CADPS: variants seen among roughly 807,000 people sequenced by gnomAD.
CADPS encodes the protein calcium dependent secretion activator, also known as calcium-dependent secretion activator 1.
In CADPS, 57 loss-of-function variants were observed where a neutral mutation model predicts 167.3. The ratio of observed to expected loss-of-function variants is 0.34; its 90% confidence interval spans 0.28 to 0.42. The LOEUF is 0.42. CADPS is among the 20% of genes least tolerant of loss of function. The pLI, the probability that CADPS is intolerant of heterozygous loss-of-function variation, is 1.00. For missense variants in CADPS, 1,414 were observed against 1,738.1 expected (o/e 0.81, Z 3.32); for synonymous variants, 676 against 635.3 (o/e 1.06, Z -0.96).
chr3:62,664,642 T>C (rs949424721), intron 3 of CADPS, among the ~76,000 whole-genome samples: 3 of 152,244 alleles, frequency 2.0e-5, no homozygotes, highest in African/African-American at 7.2e-5. Flanking sequence ...ATTCAACTAC[T>C]TCACTGGGAA....
intron 21 of CADPS, among the ~76,000 whole-genome samples, chr3:62,483,206 G>A (rs377066431): frequency 2.0e-5 from 3 of 151,684 alleles, no homozygotes; most frequent in East Asian, 3.9e-4. Context: ...CAGGAGAAGA[G>A]CAAGTTTTGC....
intron 1 of CADPS, among the ~76,000 whole-genome samples, chr3:62,852,112 G>A (rs9866730): frequency 2.7e-5 from 4 of 147,712 alleles, no homozygotes; most frequent in East Asian, 4.0e-4. Context: ...TCGAGCCTTG[G>A]TTTTCAGCTC....
At chr3:62,681,293 C>A (rs183468436) in intron 3 of CADPS, among the ~76,000 whole-genome samples, 1 of 152,054 alleles carries the variant, frequency 6.6e-6, no homozygotes, top group African/African-American at 2.4e-5. Flanking sequence ...TATGCCCTCT[C>A]CATCACAGAA....
chr3:62,545,070 C>G (rs1334772154), intron 11 of CADPS, among the ~76,000 whole-genome samples: 1 of 152,086 alleles, frequency 6.6e-6, no homozygotes, highest in African/African-American at 2.4e-5. Flanking sequence ...CTGTTGAAGA[C>G]GTTCAGGTGG....
At chr3:62,593,849 T>C (rs1359587149) in intron 6 of CADPS, among the ~76,000 whole-genome samples, 1 of 152,264 alleles carries the variant, frequency 6.6e-6, no homozygotes, top group Non-Finnish European at 1.5e-5. Context: ...ATTTAAGTTA[T>C]TGATTTGTGT....
chr3:62,684,222 GTTTAT>G (rs1321241616), intron 3 of CADPS, among the ~76,000 whole-genome samples: 1 of 152,034 alleles, frequency 6.6e-6, no homozygotes, highest in Non-Finnish European at 1.5e-5. Flanking sequence ...ACTTAGGAAA[GTTTAT>G]TTTATATTTT....
In CADPS at chr3:62,650,928, G is replaced by A. The variant is rs771005113; in HGVS notation, c.1122C>T (p.His374=). 6.2e-7 allele frequency: 1 copy of A among 1,614,100 alleles called. No individual in the cohort carries two copies. Among genetic ancestry groups the A allele is most frequent in the Non-Finnish European group, 8.5e-7 (1 of 1,179,988 alleles). Reference sequence around the variant, plus strand: ...CGCCCATGTCGATGATGGAAGCATTGTGGCTGCGTTTGAGTTTCTGGAGCT... The same window carrying A: ...CGCCCATGTCGATGATGGAAGCATTATGGCTGCGTTTGAGTTTCTGGAGCT... ...EFKLQKLKRS[H]NASIIDMGEE... is the part of the protein sequence containing the mutation. The change falls in exon 5 of 30, where the codon CAC becomes CAT. Residue 374 remains histidine, a synonymous_variant. Transcript: ENST00000383710.
chr3:62,407,676 A>G lies in CADPS; in HGVS notation c.3778-4491T>C, dbSNP rs534588824. On this transcript the variant is annotated intron_variant, in intron 28 of 29. Coordinates refer to ENST00000383710, the MANE Select transcript of CADPS (RefSeq NM_003716.4). Reference sequence around the variant, plus strand: ...GTGAGTGTCACATAGTAAGGACTCAATAAAATTTACCCACTGTTGTTATTC... The same window carrying G: ...GTGAGTGTCACATAGTAAGGACTCAGTAAAATTTACCCACTGTTGTTATTC... Among the ~76,000 whole-genome samples, 129 of 152,330 alleles carry G rather than the reference A, an allele frequency of 8.5e-4. 1 individual carries two copies. Among genetic ancestry groups the G allele is most frequent in the African/African-American group, 3.0e-3 (126 of 41,594 alleles).
intron 7 of CADPS, among the ~76,000 whole-genome samples, chr3:62,587,763 T>C (rs1148827): frequency 0.9 from 136,380 of 152,190 alleles, 61,589 homozygotes; most frequent in East Asian, 0.98. Flanking sequence ...ACAAAGACTT[T>C]GTCCCCTGTG....
chr3:62,750,342 C>T (rs1296402042), intron 3 of CADPS, among the ~76,000 whole-genome samples: 3 of 96,198 alleles, frequency 3.1e-5, no homozygotes, highest in Admixed American at 3.4e-4. Context: ...CAGAGTGAGA[C>T]TCTTAAGCTC....
At chr3:62,852,582 C>G (rs2078843574) in intron 1 of CADPS, among the ~76,000 whole-genome samples, 1 of 151,798 alleles carries the variant, frequency 6.6e-6, no homozygotes, top group African/African-American at 2.4e-5. Context: ...CTTACCCACA[C>G]CAGAGAGACT....
chr3:62,414,635 TAC>T (rs2049653100), intron 28 of CADPS, among the ~76,000 whole-genome samples: 1 of 152,152 alleles, frequency 6.6e-6, no homozygotes, highest in African/African-American at 2.4e-5. Context: ...TTGGTGAAAA[TAC>T]AGTGTGAGGC....
At chr3:62,870,050 GCAA>G (rs2082335894) in intron 1 of CADPS, among the ~76,000 whole-genome samples, 1 of 152,076 alleles carries the variant, frequency 6.6e-6, no homozygotes, top group Non-Finnish European at 1.5e-5. Context: ...GTGTAATGAG[GCAA>G]GAACCTTTCA....
chr3:62,485,483 T>C (rs986474791), intron 21 of CADPS, among the ~76,000 whole-genome samples: 3 of 152,234 alleles, frequency 2.0e-5, no homozygotes, highest in South Asian at 2.1e-4. Flanking sequence ...TCCTCATAAC[T>C]TTTCCTTATG....
chr3:62,824,319 A>C (rs1386426882), intron 1 of CADPS, among the ~76,000 whole-genome samples: 1 of 152,208 alleles, frequency 6.6e-6, no homozygotes, highest in African/African-American at 2.4e-5. Context: ...CAGCTAAAAA[A>C]TGGAGTCAAT....
At chr3:62,827,975 G>A (rs968545992) in intron 1 of CADPS, among the ~76,000 whole-genome samples, 5 of 152,146 alleles carry the variant, frequency 3.3e-5, no homozygotes, top group African/African-American at 1.2e-4. Flanking sequence ...GTGGTTCACA[G>A]AAGGCAAATA....
intron 1 of CADPS, among the ~76,000 whole-genome samples, chr3:62,870,260 T>G (rs963740756): frequency 6.6e-6 from 1 of 152,172 alleles, no homozygotes; most frequent in East Asian, 1.9e-4. Flanking sequence ...GGTAGAATTT[T>G]TTTTTAGACT....
chr3:62,615,991 A>G (rs946955064), intron 6 of CADPS, among the ~76,000 whole-genome samples: 1 of 152,112 alleles, frequency 6.6e-6, no homozygotes, highest in African/African-American at 2.4e-5. Context: ...GCTAAACTCC[A>G]GTCTCCATCC....
At chr3:62,557,580 A>T (rs1162912071) in intron 9 of CADPS, 67 bp from the exon 10 acceptor site, 3 of 1,208,472 alleles carry the variant, frequency 2.5e-6, no homozygotes, top group Non-Finnish European at 3.7e-6. Flanking sequence ...ACCCTCCCCC[A>T]TGTTCTCTCC....
Sources: allele counts gnomAD v4.1 joint callset (sites outside exome capture counted in the v4.1 genomes callset), GRCh38; gene constraint gnomAD v4.1.1; transcripts MANE v1.5; gene names NCBI Gene and HGNC (gene_info 2026-07-23, HGNC 2026-07-21).